The following PAPPA2 variants were observed in gnomAD, a reference collection of about 807,000 sequenced individuals.
PAPPA2 encodes the protein pappalysin-2.
In PAPPA2, 86 loss-of-function variants were observed where a neutral mutation model predicts 176.4. That is an observed-to-expected ratio of 0.49 (90% CI 0.41 to 0.58). The LOEUF (loss-of-function observed/expected upper bound fraction) is 0.58, where lower values mean the gene tolerates loss of function less well. Ranked by LOEUF, PAPPA2 falls within the 20% of genes least tolerant of loss-of-function variation. The probability of loss-of-function intolerance (pLI) is 0.00; values close to 1 mark genes in which losing one functional copy is unlikely to be tolerated. For synonymous variants in PAPPA2, 809 were observed against 852.2 expected, an observed-to-expected ratio of 0.95 and a Z score of 0.88; for missense variants, 2,073 against 2,256.9, an observed-to-expected ratio of 0.92 and a Z score of 1.65.
intron 12 of PAPPA2, among the ~76,000 whole-genome samples, chr1:176,714,658 G>C (rs1014460873): frequency 6.6e-6 from 1 of 152,166 alleles, no homozygotes; most frequent in Admixed American, 6.5e-5. Flanking sequence ...ATGGCCAAAA[G>C]TAATAATGTG....
chr1:176,719,117 G>C (rs1661504039), intron 12 of PAPPA2, among the ~76,000 whole-genome samples: 1 of 152,014 alleles, frequency 6.6e-6, no homozygotes, highest in Admixed American at 6.6e-5. Flanking sequence ...ACTTAGCCTG[G>C]TAGTGTGAAA....
chr1:176,570,580 C>T (rs1036233667), intron 2 of PAPPA2, among the ~76,000 whole-genome samples: 6 of 151,792 alleles, frequency 4.0e-5, no homozygotes, highest in Admixed American at 1.3e-4. Flanking sequence ...ATAATACAAC[C>T]CATGGCATGG....
intron 6 of PAPPA2, among the ~76,000 whole-genome samples, chr1:176,695,072 G>A (rs1660309090): frequency 6.6e-6 from 1 of 152,192 alleles, no homozygotes; most frequent in East Asian, 1.9e-4. Flanking sequence ...TTTGGCAGCA[G>A]AGAGAACAGC....
chr1:176,564,803 G>A (rs112064643), intron 2 of PAPPA2, among the ~76,000 whole-genome samples: 6 of 146,340 alleles, frequency 4.1e-5, no homozygotes, highest in South Asian at 2.2e-4. Context: ...TACAAATAAC[G>A]TCTTTAGTAT....
chr1:176,824,111 C>T (rs1666768069), intron 21 of PAPPA2, among the ~76,000 whole-genome samples: 2 of 152,156 alleles, frequency 1.3e-5, no homozygotes, highest in African/African-American at 2.4e-5. Context: ...GATGACAGTA[C>T]CGTGGGCTTG....
intron 2 of PAPPA2, among the ~76,000 whole-genome samples, chr1:176,591,654 A>G (rs935580615): frequency 6.6e-6 from 1 of 152,206 alleles, no homozygotes; most frequent in African/African-American, 2.4e-5. Context: ...CCAAACTTGC[A>G]CTTGCATGGG....
chr1:176,656,765 CCT>C (rs750068633), intron 3 of PAPPA2, among the ~76,000 whole-genome samples: 17 of 146,738 alleles, frequency 1.2e-4, no homozygotes, highest in African/African-American at 7.5e-5. Context: ...CTGTAATCTC[CCT>C]CTCTCTCTCT....
At chr1:176,627,244 A>G (rs1318263769) in intron 3 of PAPPA2, among the ~76,000 whole-genome samples, 1 of 152,212 alleles carries the variant, frequency 6.6e-6, no homozygotes, top group Non-Finnish European at 1.5e-5. Flanking sequence ...TTGGCATCAA[A>G]TCCAAAAAGT....
intron 2 of PAPPA2, among the ~76,000 whole-genome samples, chr1:176,574,635 T>C (rs896864045): frequency 6.6e-6 from 1 of 152,182 alleles, no homozygotes; most frequent in African/African-American, 2.4e-5. Context: ...CTGAAGCTAT[T>C]GGCTACTCTC....
At chr1:176,660,333 TG>T (rs1173756528) in intron 3 of PAPPA2, among the ~76,000 whole-genome samples, 1 of 138,024 alleles carries the variant, frequency 7.2e-6, no homozygotes, top group Non-Finnish European at 1.5e-5. Flanking sequence ...AGTAATTGTT[TG>T]TTTGTGTGTG....
At chr1:176,686,387 C>T (rs947932691) in intron 4 of PAPPA2, among the ~76,000 whole-genome samples, 2 of 152,122 alleles carry the variant, frequency 1.3e-5, no homozygotes, top group Admixed American at 6.5e-5. Flanking sequence ...CTCATTGTCA[C>T]GAGAACAGCA....
At chr1:176,821,067 C>T (rs560940179) in intron 21 of PAPPA2, among the ~76,000 whole-genome samples, 1 of 152,250 alleles carries the variant, frequency 6.6e-6, no homozygotes, top group East Asian at 1.9e-4. Flanking sequence ...ATGTCATAGC[C>T]TTCTTCTCAA....
chr1:176,790,824 G>A (rs1383685324), intron 18 of PAPPA2, among the ~76,000 whole-genome samples: 1 of 152,182 alleles, frequency 6.6e-6, no homozygotes, highest in African/African-American at 2.4e-5. Context: ...CAGCACACAT[G>A]TGGAGAAAGG....
At position 176,555,986 on chromosome 1, in the gene PAPPA2, A is replaced by C; in HGVS notation, c.-337A>C. The C allele has an allele frequency of 3.9e-6, 1 of 253,222 alleles. No individual in the cohort carries two copies. Among genetic ancestry groups the C allele is most frequent in the Non-Finnish European group, 7.5e-6 (1 of 132,454 alleles). 15.7% of individuals were successfully genotyped at this position (253,222 alleles called of 1,614,324 possible). A position where few individuals can be genotyped will look rare whatever the true frequency, so the allele number is the denominator to read the frequency against. ...AAGAAGAAGGGGGGAAAAAAAAAGA[A>C]AGAAATCTGAGCTTTCTGGGAGGAA... On this transcript the variant is annotated 5_prime_UTR_variant, in exon 2 of 23. Coordinates refer to ENST00000367662, the MANE Select transcript of PAPPA2 (RefSeq NM_020318.3).
chr1:176,700,436 A>G (rs1660599579), intron 8 of PAPPA2, among the ~76,000 whole-genome samples: 1 of 152,248 alleles, frequency 6.6e-6, no homozygotes, highest in South Asian at 2.1e-4. Context: ...AACAACAAAC[A>G]TTATTTCTCA....
intron 4 of PAPPA2, among the ~76,000 whole-genome samples, chr1:176,682,040 A>T (rs374712969): frequency 1.1e-4 from 16 of 152,202 alleles, no homozygotes; most frequent in Non-Finnish European, 2.1e-4. Flanking sequence ...GAACTTTCAC[A>T]GGGGGTCTTC....
intron 1 of PAPPA2, among the ~76,000 whole-genome samples, chr1:176,503,363 A>G (rs968660431): frequency 6.6e-6 from 1 of 152,196 alleles, no homozygotes; most frequent in African/African-American, 2.4e-5. Context: ...TTTTAAGATC[A>G]GCTGATCAGT....
At chr1:176,648,153 C>T (rs998891271) in intron 3 of PAPPA2, among the ~76,000 whole-genome samples, 2 of 151,446 alleles carry the variant, frequency 1.3e-5, no homozygotes, top group Non-Finnish European at 3.0e-5. Flanking sequence ...CTTTTAACTT[C>T]TTTGGTTAAA....
chr1:176,529,399 A>C (rs1649673637), intron 1 of PAPPA2, among the ~76,000 whole-genome samples: 1 of 151,960 alleles, frequency 6.6e-6, no homozygotes, highest in Non-Finnish European at 1.5e-5. Context: ...TCCAGCCTTT[A>C]GTAAACTAAG....
Sources: allele counts gnomAD v4.1 joint callset (sites outside exome capture counted in the v4.1 genomes callset), GRCh38; gene constraint gnomAD v4.1.1; transcripts MANE v1.5; gene names NCBI Gene and HGNC (gene_info 2026-07-23, HGNC 2026-07-21).